The following SMYD2 variants were observed in gnomAD, a reference collection of about 807,000 sequenced individuals.
SMYD2 encodes SET and MYND domain containing 2.
A neutral mutation model predicts 59.1 loss-of-function variants in SMYD2; 53 were observed. That is an observed-to-expected ratio of 0.90 (90% CI 0.72 to 1.13). SMYD2 has a LOEUF of 1.13. Among genes scored for constraint, SMYD2 ranks in the 50% most tolerant of loss-of-function variants. SMYD2 has a pLI of 0.00. For synonymous variants in SMYD2, 208 were observed against 198.8 expected, an observed-to-expected ratio of 1.05 and a Z score of -0.39; for missense variants, 494 against 544.7, an observed-to-expected ratio of 0.91 and a Z score of 0.93.
chr1:214,284,255 T>TG (rs1491451226), intron 1 of SMYD2, among the ~76,000 whole-genome samples: 1 of 11,138 alleles, frequency 9.0e-5, no homozygotes, highest in Non-Finnish European at 2.1e-4. Context: ...TTTGGTGTGG[T>TG]TTTTTTTTTT....
intron 5 of SMYD2, among the ~76,000 whole-genome samples, chr1:214,321,245 T>C (rs2102472523): frequency 6.7e-6 from 1 of 149,668 alleles, no homozygotes; most frequent in South Asian, 2.1e-4. Context: ...CCTTAAAAAA[T>C]GTATATATAT....
chr1:214,292,335 A>G (rs147610520), intron 1 of SMYD2, among the ~76,000 whole-genome samples: 18 of 152,228 alleles, frequency 1.2e-4, no homozygotes, highest in African/African-American at 4.3e-4. Context: ...ACACACATAT[A>G]TGCACCTTGC....
intron 2 of SMYD2, among the ~76,000 whole-genome samples, chr1:214,307,014 T>C (rs1442649449): frequency 6.6e-6 from 1 of 152,070 alleles, no homozygotes; most frequent in African/African-American, 2.4e-5. Context: ...CTACTAAAAA[T>C]AGAAAAAAAT....
chr1:214,319,514 G>T (rs1448776124), intron 5 of SMYD2, among the ~76,000 whole-genome samples: 1 of 152,180 alleles, frequency 6.6e-6, no homozygotes, highest in East Asian at 1.9e-4. Flanking sequence ...GTTTAGAGAA[G>T]TCTAGGTTTA....
chr1:214,327,520 T>C (rs1224853006), intron 6 of SMYD2, 102 bp from the exon 7 acceptor site: 23 of 937,230 alleles, frequency 2.5e-5, no homozygotes, highest in South Asian at 4.3e-5. Flanking sequence ...AAAAATGTCT[T>C]GCAAAGATTC....
chr1:214,297,422 G>T (rs960716856), intron 1 of SMYD2, among the ~76,000 whole-genome samples: 2 of 151,932 alleles, frequency 1.3e-5, no homozygotes, highest in Non-Finnish European at 2.9e-5. Context: ...ATTTACGACT[G>T]TGTCTTTTGT....
At chr1:214,284,254 G>GTTTTTTTTT (rs34049644) in intron 1 of SMYD2, among the ~76,000 whole-genome samples, 26 of 90,356 alleles carry the variant, frequency 2.9e-4, no homozygotes, top group Non-Finnish European at 4.0e-4. Context: ...TTTTGGTGTG[G>GTTTTTTTTT]TTTTTTTTTT....
At chr1:214,298,311 C>G (rs934785339) in intron 1 of SMYD2, among the ~76,000 whole-genome samples, 2 of 152,268 alleles carry the variant, frequency 1.3e-5, no homozygotes, top group South Asian at 4.1e-4. Context: ...GGAAAGGACT[C>G]CCTATTCAAT....
intron 5 of SMYD2, among the ~76,000 whole-genome samples, chr1:214,324,364 C>A (rs1657227712): frequency 6.6e-6 from 1 of 152,134 alleles, no homozygotes. Context: ...AAACGTCAGT[C>A]CTCAGAGTCT....
intron 1 of SMYD2, among the ~76,000 whole-genome samples, chr1:214,285,799 G>A (rs1233076664): frequency 6.6e-6 from 1 of 152,202 alleles, no homozygotes; most frequent in Non-Finnish European, 1.5e-5. Flanking sequence ...CTTACACAAA[G>A]CTACGTGAGA....
intron 1 of SMYD2, among the ~76,000 whole-genome samples, chr1:214,282,417 C>G (rs964947324): frequency 6.6e-6 from 1 of 152,198 alleles, no homozygotes; most frequent in Non-Finnish European, 1.5e-5. Context: ...AGGCAGGAGG[C>G]ATGGCATTGG....
In SMYD2 at chr1:214,334,224, C is replaced by CAACGTGGCCTCCATGTGGTTG. The variant is rs1558059226; in HGVS notation, c.1140_1160dup (p.Asn380_Leu386dup). 3 of 1,614,012 alleles carry CAACGTGGCCTCCATGTGGTTG rather than the reference C, an allele frequency of 1.9e-6. No homozygotes were observed. Among genetic ancestry groups the CAACGTGGCCTCCATGTGGTTG allele is most frequent in the African/African-American group, 1.3e-5 (1 of 75,054 alleles). On this transcript the variant is annotated inframe_insertion, in exon 11 of 12. Coordinates refer to ENST00000366957, the MANE Select transcript of SMYD2 (RefSeq NM_020197.3). ...GTAAGCACTATCCTTTGTACTCCCT[C>CAACGTGGCCTCCATGTGGTTG]AACGTGGCCTCCATGTGGTTGAAGC... is the stretch of plus-strand genomic sequence containing the variant.
At chr1:214,300,057 G>A (rs1273974322) in intron 1 of SMYD2, among the ~76,000 whole-genome samples, 1 of 152,114 alleles carries the variant, frequency 6.6e-6, no homozygotes, top group Non-Finnish European at 1.5e-5. Context: ...CCTGGGTGAT[G>A]GTATCATTTA....
At chr1:214,335,557 C>A (rs947562435) in intron 11 of SMYD2, among the ~76,000 whole-genome samples, 1 of 152,134 alleles carries the variant, frequency 6.6e-6, no homozygotes, top group Admixed American at 6.5e-5. Flanking sequence ...TAGTCACAGG[C>A]CATTAAAAAT....
At chr1:214,330,858 G>T (rs572578255) in intron 8 of SMYD2, 92 bp from the exon 9 acceptor site, 2 of 1,576,090 alleles carry the variant, frequency 1.3e-6, no homozygotes, top group Non-Finnish European at 1.7e-6. Flanking sequence ...AGTGTCGACC[G>T]CTGTGTGGGA....
chr1:214,317,967 T>A lies in SMYD2; in HGVS notation c.349-112T>A. ...GGAGTCCTTGAGTAGCTTGTTTTACTTCCTTAAGAATTGTTACTTTTTCTT... is the reference window on the plus strand; with the variant it reads ...GGAGTCCTTGAGTAGCTTGTTTTACATCCTTAAGAATTGTTACTTTTTCTT... On this transcript the variant is annotated intron_variant, in intron 3 of 11. Coordinates refer to ENST00000366957, the MANE Select transcript of SMYD2 (RefSeq NM_020197.3). The A allele has an allele frequency of 4.8e-6, 5 of 1,034,114 alleles. No individual in the cohort carries two copies. In the Admixed American group the frequency reaches 9.4e-5, roughly 19 times the overall value. The allele number at this position is 1,034,114 out of a possible 1,614,324, so 64.1% of individuals were successfully genotyped here. A position where few individuals can be genotyped will look rare whatever the true frequency, so the allele number is the denominator to read the frequency against.
rs563105539 is a variant in SMYD2 at position 214,325,387 on chromosome 1, T to G, written c.602+679T>G. 2.0e-5 allele frequency among the ~76,000 whole-genome samples: 3 copies of G among 152,340 alleles called. No homozygotes were observed. In the South Asian group the frequency reaches 6.2e-4, roughly 32 times the overall value. On this transcript the variant is annotated intron_variant, in intron 6 of 11. Coordinates refer to ENST00000366957, the MANE Select transcript of SMYD2 (RefSeq NM_020197.3). ...TGCTTCAGTCCCTGAAATCAAACCC[T>G]TGCTTCACAGATAGAGCCAAGGAAT...
At position 214,286,397 on chromosome 1, in the gene SMYD2, T is replaced by C. The variant is rs1192696634; in HGVS notation, c.173+4970T>C. The stretch of plus-strand genomic sequence containing the variant: ...GGCTGAGGTGGGAAGATCCCTTGAG[T>C]CAGGAGGTTGATGCTGCAGGAAGCC... On this transcript the variant is annotated intron_variant, in intron 1 of 11. Coordinates refer to ENST00000366957, the MANE Select transcript of SMYD2 (RefSeq NM_020197.3). Among the ~76,000 whole-genome samples, 4 of 151,908 alleles carry C rather than the reference T, an allele frequency of 2.6e-5. No individual in the cohort carries two copies. The South Asian group carries it at 8.3e-4, about 32-fold the overall frequency.
chr1:214,334,112 A>G, intron 10 of SMYD2, 88 bp from the exon 11 acceptor site: 1 of 1,234,576 alleles, frequency 8.1e-7, no homozygotes, highest in Non-Finnish European at 1.2e-6. Context: ...GGCCCTAAGC[A>G]TGGCAGCCTC....
Sources: gnomAD v4.1 joint callset for allele counts (sites outside exome capture counted in the v4.1 genomes callset) on GRCh38, gnomAD v4.1.1 for gene constraint, MANE v1.5 for transcripts, NCBI Gene and HGNC (gene_info 2026-07-23, HGNC 2026-07-21) for gene names.